POLN: variants seen among roughly 807,000 people sequenced by gnomAD.
The protein encoded by POLN is DNA polymerase nu, also known as DNA polymerase N.
Under a neutral mutation model 113.5 loss-of-function variants are expected in POLN, and 108 were observed. The observed-to-expected ratio is 0.95, with a 90% CI of 0.81 to 1.12. POLN has a LOEUF of 1.12. Ranked by LOEUF, POLN falls within the 50% of genes most tolerant of loss-of-function variation. The pLI, the probability that POLN is intolerant of heterozygous loss-of-function variation, is 0.00. For synonymous variants in POLN, 386 were observed against 391.5 expected, an observed-to-expected ratio of 0.99 and a Z score of 0.17; for missense variants, 1,097 against 1,077.1, an observed-to-expected ratio of 1.02 and a Z score of -0.26.
chr4:2,086,901 G>A (rs1730563782), intron 20 of POLN, among the ~76,000 whole-genome samples: 1 of 152,214 alleles, frequency 6.6e-6, no homozygotes. Context: ...AAGGTGTGGG[G>A]TCTGTGAAGA....
Position 2,128,220 on chromosome 4 carries a change from T to G in POLN, c.1875A>C (p.Ser625=), listed in dbSNP as rs1368839616. 4 of 1,599,050 alleles carry G rather than the reference T, an allele frequency of 2.5e-6. No individual in the cohort carries two copies. Among genetic ancestry groups the G allele is most frequent in the Non-Finnish European group, 3.4e-6 (4 of 1,166,886 alleles). ...GTGTAAGAATGCGCAATTCAATCTG[T>G]GAAAAGTCTGTGAGATACAGTTCTG... ...KGHTFLAADF[S]QIELRILTHL... Residue 625 remains serine (S), a synonymous_variant, in exon 19 of 26, where the codon TCA becomes TCC. Coordinates refer to ENST00000511885, the MANE Select transcript of POLN (RefSeq NM_181808.4).
intron 13 of POLN, among the ~76,000 whole-genome samples, chr4:2,165,652 T>C (rs1411607536): frequency 6.6e-6 from 1 of 152,128 alleles, no homozygotes; most frequent in African/African-American, 2.4e-5. Flanking sequence ...GATGGTACCA[T>C]TCTGTCGAGG....
At chr4:2,162,149 C>T (rs1163872753) in intron 13 of POLN, among the ~76,000 whole-genome samples, 1 of 152,156 alleles carries the variant, frequency 6.6e-6, no homozygotes, top group African/African-American at 2.4e-5. Flanking sequence ...TGTTCTTTCC[C>T]TCTTTGCAAT....
At chr4:2,173,500 A>G (rs1317560832) in intron 11 of POLN, among the ~76,000 whole-genome samples, 1 of 43,782 alleles carries the variant, frequency 2.3e-5, no homozygotes, top group African/African-American at 4.3e-5. Context: ...GCTTCTCTTC[A>G]TCTTTGCCCC....
At chr4:2,206,240 C>T (rs1372299143) in intron 5 of POLN, among the ~76,000 whole-genome samples, 2 of 152,204 alleles carry the variant, frequency 1.3e-5, no homozygotes, top group African/African-American at 4.8e-5. Flanking sequence ...CTTATACAAA[C>T]ATCAGCTCAA....
intron 17 of POLN, among the ~76,000 whole-genome samples, chr4:2,130,286 GGAGGA>G (rs1373787820): frequency 6.9e-6 from 1 of 144,140 alleles, no homozygotes; most frequent in Non-Finnish European, 1.5e-5. Flanking sequence ...GGAGGAGAGG[GGAGGA>G]GAGGGGAGGG....
chr4:2,200,229 G>C (rs963584080), intron 5 of POLN, among the ~76,000 whole-genome samples: 1 of 152,110 alleles, frequency 6.6e-6, no homozygotes, highest in Admixed American at 6.5e-5. Context: ...TCTTGAAAAA[G>C]ACAAAGTTGG....
At chr4:2,177,279 C>A in intron 8 of POLN, 1 of 482,058 alleles carries the variant, frequency 2.1e-6, no homozygotes, top group East Asian at 6.1e-5. Flanking sequence ...CTCTGGCTCC[C>A]CACAGCCATG....
intron 19 of POLN, among the ~76,000 whole-genome samples, chr4:2,096,732 C>T (rs57253956): frequency 2.5e-5 from 3 of 118,200 alleles, no homozygotes; most frequent in Non-Finnish European, 5.6e-5. Flanking sequence ...GAGAGAGAGA[C>T]ACACAGAGAG....
At chr4:2,085,833 C>T in intron 20 of POLN, 89 bp from the exon 21 acceptor site, 2 of 1,557,128 alleles carry the variant, frequency 1.3e-6, no homozygotes, top group South Asian at 2.3e-5. Flanking sequence ...CAGCTGGCAG[C>T]ACTGGTCTTT....
chr4:2,080,317 C>T (rs920902546), intron 23 of POLN: 2 of 1,000,600 alleles, frequency 2.0e-6, no homozygotes, highest in African/African-American at 3.5e-5. Flanking sequence ...ATAACTGAGG[C>T]AGGGACAGAG....
chr4:2,081,315 G>C (rs1359213069), intron 22 of POLN: 4 of 878,012 alleles, frequency 4.6e-6, no homozygotes, highest in Admixed American at 2.3e-5. Flanking sequence ...CCTAGGCCAA[G>C]TGCCAAGGAA....
chr4:2,140,298 C>T (rs901304253), intron 16 of POLN, among the ~76,000 whole-genome samples: 6 of 152,080 alleles, frequency 3.9e-5, no homozygotes, highest in African/African-American at 1.2e-4. Flanking sequence ...AGGCTGGTCT[C>T]GAACTCCTGA....
At chr4:2,124,765 T>A (rs1731537925) in intron 19 of POLN, among the ~76,000 whole-genome samples, 1 of 152,136 alleles carries the variant, frequency 6.6e-6, no homozygotes, top group African/African-American at 2.4e-5. Context: ...CTTTGACTTG[T>A]CCCTTGCTGG....
rs776384739 is a variant in POLN, at chr4:2,208,416, C to G, written c.285G>C (p.Arg95Ser). Reference protein sequence around the residue: ...AKLSPQSFSVRLTDQLSADQK... With the variant: ...AKLSPQSFSVSLTDQLSADQK... ...GGTCAGCAGACAGCTGATCTGTGAG[C>G]CTGACACTGAAGGACTGAGGAGACA... The change falls in exon 5 of 26, where the codon AGG becomes AGC. Residue 95 changes from arginine (R) to serine (S), a missense_variant. Coordinates refer to ENST00000511885, the MANE Select transcript of POLN (RefSeq NM_181808.4). 4 of 1,607,526 alleles carry G rather than the reference C, an allele frequency of 2.5e-6. No individual in the cohort carries two copies. Among genetic ancestry groups the G allele is most frequent in the Admixed American group, 1.7e-5 (1 of 58,814 alleles).
intron 16 of POLN, among the ~76,000 whole-genome samples, chr4:2,133,906 T>A (rs971048229): frequency 6.6e-6 from 1 of 152,258 alleles, no homozygotes; most frequent in Non-Finnish European, 1.5e-5. Context: ...GTACATTCTA[T>A]TGGTTTTGAC....
chr4:2,214,216 A>AATTTTTTC (rs1734059988), intron 3 of POLN, among the ~76,000 whole-genome samples: 1 of 152,150 alleles, frequency 6.6e-6, no homozygotes, highest in African/African-American at 2.4e-5. Context: ...AGCCTGGGTT[A>AATTTTTTC]CAGGGCAAGA....
In POLN at chr4:2,156,717, T is replaced by G. The variant is rs1389047927; in HGVS notation, c.1731+71A>C. On this transcript the variant is annotated intron_variant, in intron 16 of 25. Transcript: ENST00000511885. ...AACAGAAAGTGCACAGGCAAACACA[T>G]ATGGAGAAAAAACTTCAATAGCAAG... is the stretch of plus-strand genomic sequence containing the variant. 3.3e-6 allele frequency: 4 copies of G among 1,230,568 alleles called. No homozygotes were observed. The East Asian group carries it at 7.0e-5, about 21-fold the overall frequency. 76.2% of individuals were successfully genotyped at this position (1,230,568 alleles called of 1,614,324 possible). A position where few individuals can be genotyped will look rare whatever the true frequency, so the allele number is the denominator to read the frequency against.
At chr4:2,094,440 GC>G (rs1475488722) in intron 20 of POLN, among the ~76,000 whole-genome samples, 1 of 150,522 alleles carries the variant, frequency 6.6e-6, no homozygotes, top group Non-Finnish European at 1.5e-5. Context: ...TGTGATCACA[GC>G]CCCAGCCAAC....
Sources: allele counts gnomAD v4.1 joint callset (sites outside exome capture counted in the v4.1 genomes callset), GRCh38; gene constraint gnomAD v4.1.1; transcripts MANE v1.5; gene names NCBI Gene and HGNC (gene_info 2026-07-23, HGNC 2026-07-21).